The following SHC3 variants were observed in gnomAD, a reference collection of about 807,000 sequenced individuals.
SHC3 encodes SHC-transforming protein 3.
A neutral mutation model predicts 60.4 loss-of-function variants in SHC3; 15 were observed. That is an observed-to-expected ratio of 0.25 (90% CI 0.17 to 0.38). The LOEUF is 0.38. Among genes scored for constraint, SHC3 ranks in the 10% least tolerant of loss-of-function variants. The pLI, the probability that SHC3 is intolerant of heterozygous loss-of-function variation, is 1.00. For synonymous variants in SHC3, 294 were observed against 325.9 expected, an observed-to-expected ratio of 0.90 and a Z score of 1.05; for missense variants, 677 against 786.1, an observed-to-expected ratio of 0.86 and a Z score of 1.66.
intron 1 of SHC3, among the ~76,000 whole-genome samples, chr9:89,176,103 A>C (rs1826938978): frequency 6.6e-6 from 1 of 152,156 alleles, no homozygotes; most frequent in Admixed American, 6.5e-5. Context: ...ACAGAGCCCT[A>C]ATTAGTCATG....
chr9:89,071,943 C>A (rs548194319), intron 4 of SHC3, among the ~76,000 whole-genome samples: 4 of 152,256 alleles, frequency 2.6e-5, no homozygotes, highest in Admixed American at 6.5e-5. Context: ...AGCCAGGACA[C>A]TCTCTTTGTC....
intron 11 of SHC3, among the ~76,000 whole-genome samples, chr9:89,036,079 C>T (rs903518241): frequency 1.3e-5 from 2 of 151,908 alleles, no homozygotes; most frequent in African/African-American, 4.8e-5. Context: ...CTGATGGATT[C>T]GGATGCATCC....
chr9:89,013,976 G>A (rs1302806450), intron 11 of SHC3, among the ~76,000 whole-genome samples: 1 of 152,088 alleles, frequency 6.6e-6, no homozygotes, highest in African/African-American at 2.4e-5. Context: ...CCACCTCTAG[G>A]CCTTTGCATG....
chr9:89,052,683 G>A (rs910756344), intron 6 of SHC3, among the ~76,000 whole-genome samples: 7 of 152,142 alleles, frequency 4.6e-5, no homozygotes, highest in Admixed American at 2.6e-4. Context: ...ACCATATGTG[G>A]CCACTCAAAA....
chr9:89,015,538 G>T (rs1359923446), intron 11 of SHC3, among the ~76,000 whole-genome samples: 1 of 152,200 alleles, frequency 6.6e-6, no homozygotes, highest in Non-Finnish European at 1.5e-5. Flanking sequence ...CAGTATACAG[G>T]CTGGCCAACA....
rs1825983934 is a variant in SHC3 at position 89,009,194 on chromosome 9, T to C, written c.*4253A>G. The C allele has an allele frequency of 6.6e-6, 1 of 152,342 alleles. No individual in the cohort carries two copies. The allele number at this position is 152,342 out of a possible 1,614,324, so 9.4% of individuals were successfully genotyped here. A position where few individuals can be genotyped will look rare whatever the true frequency, so the allele number is the denominator to read the frequency against. On this transcript the variant is annotated 3_prime_UTR_variant, in exon 12 of 12. Transcript: ENST00000375835. ...AAAAGCAGGGCCCCCTACTGGGCTG[T>C]CTTACCAAGCTCCCTTCCCTGTGAT...
intron 1 of SHC3, among the ~76,000 whole-genome samples, chr9:89,129,083 C>T (rs975064669): frequency 5.9e-5 from 9 of 152,130 alleles, no homozygotes; most frequent in African/African-American, 2.2e-4. Context: ...GAGCTAAAAA[C>T]CATGGCACGA....
chr9:89,039,987 T>C (rs1587689378), intron 10 of SHC3, among the ~76,000 whole-genome samples: 11 of 136,426 alleles, frequency 8.1e-5, no homozygotes, highest in African/African-American at 1.4e-4. Flanking sequence ...CCATCAGCAC[T>C]ATCACCATCA....
At chr9:89,020,499 TGGC>T (rs1486281753) in intron 11 of SHC3, among the ~76,000 whole-genome samples, 1 of 152,104 alleles carries the variant, frequency 6.6e-6, no homozygotes, top group East Asian at 1.9e-4. Context: ...GCTCCTCCTC[TGGC>T]TGTGACGTAC....
At chr9:89,128,530 G>A (rs1831152) in intron 1 of SHC3, among the ~76,000 whole-genome samples, 27 of 152,198 alleles carry the variant, frequency 1.8e-4, no homozygotes, top group African/African-American at 5.5e-4. Context: ...CATACAGCTC[G>A]GTGCCCCTCT....
intron 2 of SHC3, among the ~76,000 whole-genome samples, chr9:89,083,706 CTG>C (rs1825482449): frequency 6.6e-6 from 1 of 152,176 alleles, no homozygotes; most frequent in South Asian, 2.1e-4. Context: ...ATTATGGAGA[CTG>C]TTGCTGAGGG....
At chr9:89,124,742 G>A (rs1826140356) in intron 1 of SHC3, among the ~76,000 whole-genome samples, 1 of 151,918 alleles carries the variant, frequency 6.6e-6, no homozygotes, top group Non-Finnish European at 1.5e-5. Flanking sequence ...TGCACACGGG[G>A]CTTAAAACTT....
At position 89,037,257 on chromosome 9, in the gene SHC3, C is replaced by A. The variant is rs557635231; in HGVS notation, c.1656+736G>T. The A allele has an allele frequency of 1.4e-3, 645 of 471,256 alleles. 3 individuals carry two copies. The highest frequency in any genetic ancestry group is 1.6e-3 in the Non-Finnish European group (444 of 270,052). 29.2% of individuals were successfully genotyped at this position (471,256 alleles called of 1,614,324 possible). A position where few individuals can be genotyped will look rare whatever the true frequency, so the allele number is the denominator to read the frequency against. The stretch of plus-strand genomic sequence containing the variant: ...AAAGGCTTCATCCCTCCCTGTCAAT[C>A]AGAAAATGCAATGTTCTTAACTCCT... On this transcript the variant is annotated intron_variant, in intron 11 of 11. Coordinates refer to ENST00000375835, the MANE Select transcript of SHC3 (RefSeq NM_016848.6).
At chr9:89,099,856 C>A (rs987322116) in intron 2 of SHC3, among the ~76,000 whole-genome samples, 1 of 152,224 alleles carries the variant, frequency 6.6e-6, no homozygotes, top group South Asian at 2.1e-4. Flanking sequence ...GAGATCATTC[C>A]AATTTTGTAT....
intron 1 of SHC3, among the ~76,000 whole-genome samples, chr9:89,121,035 T>C (rs1167635048): frequency 1.3e-5 from 2 of 152,232 alleles, no homozygotes; most frequent in South Asian, 2.1e-4. Context: ...ATAACATACG[T>C]ATTTTTGCAA....
intron 6 of SHC3, among the ~76,000 whole-genome samples, chr9:89,052,922 G>C (rs1824884513): frequency 6.6e-6 from 1 of 152,186 alleles, no homozygotes; most frequent in African/African-American, 2.4e-5. Context: ...GGCACCAGCT[G>C]TTACACAAGG....
At chr9:89,098,067 CA>C (rs1825731065) in intron 2 of SHC3, among the ~76,000 whole-genome samples, 1 of 152,144 alleles carries the variant, frequency 6.6e-6, no homozygotes, top group South Asian at 2.1e-4. Context: ...GGGAAGGACA[CA>C]ACAATTTCTA....
intron 1 of SHC3, among the ~76,000 whole-genome samples, chr9:89,150,569 G>C (rs545630124): frequency 7.2e-5 from 11 of 152,216 alleles, no homozygotes; most frequent in Admixed American, 2.6e-4. Flanking sequence ...ATACTATTCC[G>C]TTGTATGTAT....
At chr9:89,083,389 T>C (rs545427300) in intron 2 of SHC3, among the ~76,000 whole-genome samples, 28 of 152,304 alleles carry the variant, frequency 1.8e-4, no homozygotes, top group African/African-American at 6.3e-4. Context: ...ACAGTGGACG[T>C]GCAGGAGCGC....
Sources: allele counts gnomAD v4.1 joint callset (sites outside exome capture counted in the v4.1 genomes callset), GRCh38; gene constraint gnomAD v4.1.1; transcripts MANE v1.5; gene names NCBI Gene and HGNC (gene_info 2026-07-23, HGNC 2026-07-21).